EMILIN2: variants seen among roughly 807,000 people sequenced by gnomAD.
The protein encoded by EMILIN2 is EMILIN-2.
A neutral mutation model predicts 87.1 loss-of-function variants in EMILIN2; 71 were observed. That is an observed-to-expected ratio of 0.82 (90% confidence interval 0.67 to 0.99). The LOEUF is 0.99. Among genes scored for constraint, EMILIN2 ranks in the 50% least tolerant of loss-of-function variants. The pLI, the probability that EMILIN2 is intolerant of heterozygous loss-of-function variation, is 0.00. For missense variants in EMILIN2, 1,407 were observed against 1,371.8 expected, an observed-to-expected ratio of 1.03 and a Z score of -0.40; for synonymous variants, 581 against 563.4, an observed-to-expected ratio of 1.03 and a Z score of -0.44.
At chr18:2,883,947 G>A (rs1333545599) in intron 2 of EMILIN2, among the ~76,000 whole-genome samples, 1 of 152,012 alleles carries the variant, frequency 6.6e-6, no homozygotes, top group Non-Finnish European at 1.5e-5. Context: ...TGCCAGGGAT[G>A]TTTCTTTCTT....
At chr18:2,860,817 A>G (rs1231315839) in intron 2 of EMILIN2, among the ~76,000 whole-genome samples, 1 of 152,190 alleles carries the variant, frequency 6.6e-6, no homozygotes, top group Non-Finnish European at 1.5e-5. Flanking sequence ...CGCCACACTG[A>G]CTTCCACAAT....
rs967203230 is a variant in EMILIN2 at position 2,906,817 on chromosome 18, G to A, written c.2394G>A (p.Pro798=). Residue 798 remains proline (P), a synonymous_variant, in exon 5 of 8, where the codon CCG becomes CCA. Transcript: ENST00000254528. ...APSPPPPAEA[P]KEPLQPEPAP... ...CGCCCCCGCCGCCCGCAGAGGCCCC[G>A]AAGGAGCCGCTGCAGCCCGAGCCCG... 3 of 1,318,740 alleles carry A rather than the reference G, an allele frequency of 2.3e-6. No individual in the cohort carries two copies. In the African/African-American group the frequency reaches 4.6e-5, roughly 20 times the overall value. The allele number at this position is 1,318,740 out of a possible 1,614,324, so 81.7% of individuals were successfully genotyped here. A position where few individuals can be genotyped will look rare whatever the true frequency, so the allele number is the denominator to read the frequency against.
intron 4 of EMILIN2, among the ~76,000 whole-genome samples, chr18:2,897,383 C>T (rs1418160080): frequency 6.6e-6 from 1 of 152,202 alleles, no homozygotes; most frequent in African/African-American, 2.4e-5. Flanking sequence ...CTGAACTTTT[C>T]TCCCTTTCTC....
Position 2,894,613 on chromosome 18 carries a change from G to C in EMILIN2, c.2359+2127G>C, listed in dbSNP as rs973545693. ...TGTGTTAACATTTTCGCATTTGTCTGTTGCAGTAGGAGTTGGGGGGTGAAT... is the reference window on the plus strand; with the variant it reads ...TGTGTTAACATTTTCGCATTTGTCTCTTGCAGTAGGAGTTGGGGGGTGAAT... On this transcript the variant is annotated intron_variant, in intron 4 of 7. Coordinates refer to ENST00000254528, the MANE Select transcript of EMILIN2 (RefSeq NM_032048.3). The surrounding 1 kb of genome is among the most constrained non-coding windows in gnomAD (Gnocchi z 5.0). Among the ~76,000 whole-genome samples, 36 of 152,236 alleles carry C rather than the reference G, an allele frequency of 2.4e-4. No individual in the cohort carries two copies. The highest frequency in any genetic ancestry group is 4.6e-4 in the Non-Finnish European group (31 of 68,046).
chr18:2,847,248 G>A lies in EMILIN2; in HGVS notation c.60G>A (p.Leu20=), dbSNP rs2076579322. 7.8e-7 allele frequency: 1 copy of A among 1,288,670 alleles called. No homozygotes were observed. The highest frequency in any genetic ancestry group is 9.8e-7 in the Non-Finnish European group (1 of 1,019,904). The allele number at this position is 1,288,670 out of a possible 1,614,324, so 79.8% of individuals were successfully genotyped here. A position where few individuals can be genotyped will look rare whatever the true frequency, so the allele number is the denominator to read the frequency against. Residue 20 remains leucine (L), a synonymous_variant, in exon 1 of 8, where the codon CTG becomes CTA. Transcript: ENST00000254528. The surrounding 1 kb of genome is among the most constrained non-coding windows in gnomAD (Gnocchi z 4.5). The stretch of plus-strand genomic sequence containing the variant: ...CCTGGCGCTGGGCGCTGGCGCTGCT[G>A]GCCCTGGTTGGCGCGGGGCTGTGCC... ...RVPWRWALAL[L]ALVGAGLCHA...
At chr18:2,881,429 C>T (rs2076776264) in intron 2 of EMILIN2, among the ~76,000 whole-genome samples, 1 of 144,734 alleles carries the variant, frequency 6.9e-6, no homozygotes, top group African/African-American at 2.9e-5. Flanking sequence ...GGTGGGGGCT[C>T]CAGGCTCCAG....
At chr18:2,876,622 CGGGTGTGGTGG>C (rs2076749566) in intron 2 of EMILIN2, among the ~76,000 whole-genome samples, 1 of 128,218 alleles carries the variant, frequency 7.8e-6, no homozygotes, top group Non-Finnish European at 1.7e-5. Flanking sequence ...AAAAATTAGC[CGGGTGTGGTGG>C]CGGGCGCCTG....
At chr18:2,908,888 A>C (rs1278628474) in intron 5 of EMILIN2, 55 bp from the exon 6 acceptor site, 1 of 1,609,534 alleles carries the variant, frequency 6.2e-7, no homozygotes. Context: ...GGCTCAGAAC[A>C]AGGAGCTGGT....
At chr18:2,876,631 T>C (rs1263734808) in intron 2 of EMILIN2, among the ~76,000 whole-genome samples, 4 of 124,204 alleles carry the variant, frequency 3.2e-5, no homozygotes, top group South Asian at 3.7e-4. Flanking sequence ...CCGGGTGTGG[T>C]GGCGGGCGCC....
intron 2 of EMILIN2, 102 bp from the exon 3 acceptor site, chr18:2,884,862 G>A: frequency 3.9e-6 from 5 of 1,280,320 alleles, no homozygotes; most frequent in Non-Finnish European, 5.3e-6. Context: ...TGGAGAGCAG[G>A]CAGGGTCCTG....
intron 2 of EMILIN2, among the ~76,000 whole-genome samples, chr18:2,863,007 G>A (rs554603429): frequency 5.3e-5 from 8 of 152,280 alleles, no homozygotes; most frequent in East Asian, 1.9e-4. Flanking sequence ...GTTTATTTGC[G>A]TAGAGATGTT....
intron 4 of EMILIN2, among the ~76,000 whole-genome samples, chr18:2,904,040 T>C (rs1393677662): frequency 6.6e-6 from 1 of 152,238 alleles, no homozygotes; most frequent in Non-Finnish European, 1.5e-5. Flanking sequence ...TTTTTAAATA[T>C]TGCCTGTCTA....
rs139473489 is a variant in EMILIN2, at chr18:2,884,932, G to A, written c.258-32G>A. Reference sequence around the variant, plus strand: ...CGGAAGTTGCTTGTAACGGCAGCCAGTAAAGAGAGATGCCATCCCTTCTGT... The same window carrying A: ...CGGAAGTTGCTTGTAACGGCAGCCAATAAAGAGAGATGCCATCCCTTCTGT... On this transcript the variant is annotated intron_variant, in intron 2 of 7. Transcript: ENST00000254528. The A allele has an allele frequency of 2.2e-3, 3,354 of 1,550,698 alleles. 83 individuals carry two copies. The African/African-American group carries it at 0.041, about 19-fold the overall frequency.
In EMILIN2 at chr18:2,906,923, A is replaced by G. The variant is rs1304739460; in HGVS notation, c.2500A>G (p.Arg834Gly). 5.7e-6 allele frequency: 8 copies of G among 1,395,246 alleles called. No homozygotes were observed. Among genetic ancestry groups the G allele is most frequent in the Non-Finnish European group, 7.5e-6 (8 of 1,072,086 alleles). 86.4% of individuals were successfully genotyped at this position (1,395,246 alleles called of 1,614,324 possible). A position where few individuals can be genotyped will look rare whatever the true frequency, so the allele number is the denominator to read the frequency against. Residue 834 changes from arginine (R) to glycine (G), a missense_variant, in exon 5 of 8, where the codon AGG becomes GGG. Arg to Gly is a moderately radical substitution (Grantham distance 125). Coordinates refer to ENST00000254528, the MANE Select transcript of EMILIN2 (RefSeq NM_032048.3). ...CCTGCCCCAGCGGCCCCCCGAGGAG[A>G]GGCCGCCCCAGCCGCCAGGCTCCAC... ...PVLPQRPPEE[R>G]PPQPPGSTGV...
At position 2,847,805 on chromosome 18, in the gene EMILIN2, C is replaced by T; in HGVS notation, c.135-4C>T. The stretch of plus-strand genomic sequence containing the variant: ...CCCCTCTCCCTCTCTCTCCTGCACC[C>T]CAGGAACTGGTGCGCCTACATCGTG... On this transcript the variant is annotated splice_region_variant and splice_polypyrimidine_tract_variant and intron_variant, in intron 1 of 7. Coordinates refer to ENST00000254528, the MANE Select transcript of EMILIN2 (RefSeq NM_032048.3). The surrounding 1 kb of genome is among the most constrained non-coding windows in gnomAD (Gnocchi z 4.5). The T allele has an allele frequency of 1.2e-6, 2 of 1,612,858 alleles. No homozygotes were observed. The highest frequency in any genetic ancestry group is 8.5e-7 in the Non-Finnish European group (1 of 1,179,704).
chr18:2,856,570 A>G (rs2076628459), intron 2 of EMILIN2, among the ~76,000 whole-genome samples: 2 of 152,210 alleles, frequency 1.3e-5, no homozygotes, highest in Admixed American at 6.6e-5. Flanking sequence ...CTGCGTGTAC[A>G]TAATGAAGTA....
chr18:2,850,418 T>A (rs2076596141), intron 2 of EMILIN2, among the ~76,000 whole-genome samples: 2 of 151,708 alleles, frequency 1.3e-5, no homozygotes, highest in South Asian at 4.2e-4. Context: ...TTATTATTGT[T>A]TTTTAGAGAC....
chr18:2,858,583 G>GTATATATA lies in EMILIN2; in HGVS notation c.257+10664_257+10671dup, dbSNP rs1555665466. ...TATATATATATATGTGTGTGTGTGT[G>GTATATATA]TATATATATATATATATATGTGTAT... On this transcript the variant is annotated intron_variant, in intron 2 of 7. Transcript: ENST00000254528. Among the ~76,000 whole-genome samples the GTATATATA allele has an allele frequency of 4.3e-3, 274 of 63,000 alleles. 15 individuals carry two copies. The highest frequency in any genetic ancestry group is 0.012 in the South Asian group (20 of 1,690). The allele number at this position is 63,000 out of a possible 152,430, so 41.3% of individuals were successfully genotyped here. A position where few individuals can be genotyped will look rare whatever the true frequency, so the allele number is the denominator to read the frequency against.
Position 2,886,990 on chromosome 18 carries a change from C to T in EMILIN2, c.433+1851C>T, listed in dbSNP as rs114073361. ...CTGTTGAATTCCCTGTTTCCTGTGT[C>T]CCCTGCTCCCTCTTTCTTGGCTTAG... On this transcript the variant is annotated intron_variant, in intron 3 of 7. Coordinates refer to ENST00000254528, the MANE Select transcript of EMILIN2 (RefSeq NM_032048.3). Among the ~76,000 whole-genome samples the T allele has an allele frequency of 3.8e-3, 573 of 152,282 alleles. 3 individuals carry two copies. Among genetic ancestry groups the T allele is most frequent in the African/African-American group, 0.013 (547 of 41,564 alleles).
Sources: allele counts gnomAD v4.1 joint callset (sites outside exome capture counted in the v4.1 genomes callset), GRCh38; gene constraint gnomAD v4.1.1; non-coding constraint Gnocchi (gnomAD v3.1); transcripts MANE v1.5; gene names NCBI Gene and HGNC (gene_info 2026-07-23, HGNC 2026-07-21).